The following AK4 variants were observed in gnomAD, a reference collection of about 807,000 sequenced individuals.
AK4 encodes adenylate kinase 4, mitochondrial.
In AK4, 13 loss-of-function variants were observed where a neutral mutation model predicts 24.6. The ratio of observed to expected loss-of-function variants is 0.53; its 90% CI spans 0.34 to 0.84. AK4 has a LOEUF of 0.84. Among genes scored for constraint, AK4 ranks in the 40% least tolerant of loss-of-function variants. The pLI, the probability that AK4 is intolerant of heterozygous loss-of-function variation, is 0.01. For synonymous variants in AK4, 88 were observed against 107.0 expected (o/e 0.82, Z 1.10); for missense variants, 192 against 288.2 (o/e 0.67, Z 2.42).
intron 1 of AK4, among the ~76,000 whole-genome samples, chr1:65,188,363 C>T (rs1410135386): frequency 7.5e-6 from 1 of 132,734 alleles, no homozygotes; most frequent in Admixed American, 7.9e-5. Context: ...CTACTGCATT[C>T]CAGCCTGGGT....
rs5774743 is a variant in AK4, at chr1:65,177,939, TA to T, written c.146-12759del. On this transcript the variant is annotated intron_variant, in intron 1 of 4. Coordinates refer to ENST00000327299, the MANE Select transcript of AK4 (RefSeq NM_013410.4). ...AAGAATCAGACTATAAGATAGCATT[TA>T]AAAAAAAAAAACATTGCTGCACATG... Among the ~76,000 whole-genome samples the T allele has an allele frequency of 2.0e-3, 297 of 148,216 alleles. 2 individuals are homozygous for T. The highest frequency in any genetic ancestry group is 6.2e-3 in the Admixed American group (93 of 14,942).
intron 1 of AK4, among the ~76,000 whole-genome samples, chr1:65,162,014 G>A (rs1020794960): frequency 2.6e-5 from 4 of 152,200 alleles, no homozygotes; most frequent in Non-Finnish European, 2.9e-5. Context: ...TTGAGAGGCC[G>A]AGGCAGAAGG....
intron 2 of AK4, among the ~76,000 whole-genome samples, chr1:65,208,610 G>A (rs1010046136): frequency 6.6e-6 from 1 of 152,204 alleles, no homozygotes; most frequent in Non-Finnish European, 1.5e-5. Flanking sequence ...AATGGAGGTA[G>A]GAAGGGGGCT....
rs550422202 is a variant in AK4 at position 65,226,823 on chromosome 1, T to C, written c.*646T>C. On this transcript the variant is annotated 3_prime_UTR_variant, in exon 5 of 5. Transcript: ENST00000327299. ...AATTTGGCTTTTTTTTTTCTTTTTT[T>C]TTTTGGACATCTGTTTTCACTCTTA... The C allele has an allele frequency of 1.4e-5, 2 of 147,780 alleles. No individual in the cohort carries two copies. The highest frequency in any genetic ancestry group is 2.6e-5 in the African/African-American group (1 of 37,974). The allele number at this position is 147,780 out of a possible 1,614,324, so 9.2% of individuals were successfully genotyped here. A position where few individuals can be genotyped will look rare whatever the true frequency, so the allele number is the denominator to read the frequency against.
chr1:65,155,913 G>A (rs1649967500), intron 1 of AK4, among the ~76,000 whole-genome samples: 1 of 152,084 alleles, frequency 6.6e-6, no homozygotes, highest in African/African-American at 2.4e-5. Flanking sequence ...CAAGTGATCT[G>A]CCCGCCTTGG....
chr1:65,179,206 T>C (rs1410778138), intron 1 of AK4, among the ~76,000 whole-genome samples: 3 of 152,206 alleles, frequency 2.0e-5, no homozygotes, highest in Admixed American at 2.0e-4. Context: ...CAGGACCAGG[T>C]ATTTCCTTAC....
intron 1 of AK4, among the ~76,000 whole-genome samples, chr1:65,172,888 A>G (rs1413465066): frequency 3.1e-5 from 4 of 128,208 alleles, no homozygotes; most frequent in Non-Finnish European, 6.4e-5. Flanking sequence ...TTTGATACGA[A>G]CTCTCGCTCT....
Position 65,226,163 on chromosome 1 carries a change from A to G in AK4, c.658A>G (p.Lys220Glu). The change falls in exon 5 of 5, where the codon AAA becomes GAA. Residue 220 changes from lysine to glutamate, a missense_variant. Physicochemically the swap from Lys to Glu is moderately conservative, Grantham distance 56. Coordinates refer to ENST00000327299, the MANE Select transcript of AK4 (RefSeq NM_013410.4). ...FSNKITPIQS[K>E]EAY ...AAACAAGATCACACCTATTCAGTCC[A>G]AAGAAGCATATTGACCCTGCCCAAT... The G allele has an allele frequency of 1.2e-6, 2 of 1,608,346 alleles. No homozygotes were observed. Among genetic ancestry groups the G allele is most frequent in the Middle Eastern group, 2.3e-4 (1 of 4,420 alleles).
intron 2 of AK4, among the ~76,000 whole-genome samples, chr1:65,217,113 C>T (rs1042293793): frequency 6.6e-6 from 1 of 152,152 alleles, no homozygotes; most frequent in African/African-American, 2.4e-5. Flanking sequence ...GTGGATGGCT[C>T]ACAGGCAGTA....
intron 1 of AK4, among the ~76,000 whole-genome samples, chr1:65,158,242 C>G (rs1650041830): frequency 6.6e-6 from 1 of 152,144 alleles, no homozygotes; most frequent in African/African-American, 2.4e-5. Context: ...AATCCTAAAA[C>G]TAGTAAATTG....
chr1:65,224,680 C>T, intron 3 of AK4, 72 bp from the exon 4 acceptor site: 5 of 1,201,638 alleles, frequency 4.2e-6, no homozygotes, highest in African/African-American at 1.5e-5. Context: ...CATGGTTTTG[C>T]ACAGAAAAGT....
intron 1 of AK4, among the ~76,000 whole-genome samples, chr1:65,158,802 C>T (rs897962664): frequency 5.3e-5 from 8 of 152,014 alleles, no homozygotes; most frequent in African/African-American, 1.5e-4. Context: ...CCACTGCACC[C>T]GGCCCAAACT....
At chr1:65,182,548 A>G (rs1363415926) in intron 1 of AK4, among the ~76,000 whole-genome samples, 2 of 152,126 alleles carry the variant, frequency 1.3e-5, no homozygotes, top group African/African-American at 4.8e-5. Context: ...AAAAAAAAAA[A>G]GACCTCATTT....
intron 2 of AK4, among the ~76,000 whole-genome samples, chr1:65,208,981 A>G (rs556485105): frequency 3.6e-5 from 4 of 110,124 alleles, no homozygotes; most frequent in African/African-American, 1.9e-4. Context: ...TGCACTTAGT[A>G]AATATTTTGT....
intron 1 of AK4, among the ~76,000 whole-genome samples, chr1:65,180,996 A>G (rs995259090): frequency 2.0e-5 from 3 of 151,916 alleles, no homozygotes; most frequent in Non-Finnish European, 4.4e-5. Context: ...TCTGTAGAAC[A>G]ATGAAAAGAA....
At chr1:65,219,153 T>A (rs894998948) in intron 3 of AK4, among the ~76,000 whole-genome samples, 11 of 151,698 alleles carry the variant, frequency 7.3e-5, no homozygotes, top group Non-Finnish European at 1.5e-4. Flanking sequence ...AATATAAAAA[T>A]TTTTAATTTT....
chr1:65,148,305 G>T lies in AK4; in HGVS notation c.-103G>T. ...GCGGCCGGCGAGTCCCAGTGAGAGC[G>T]GAGGGTGCCAGAGGTAGGGGGCCGA... On this transcript the variant is annotated 5_prime_UTR_variant, in exon 1 of 5. Transcript: ENST00000327299. The T allele has an allele frequency of 7.0e-7, 1 of 1,437,284 alleles. No homozygotes were observed. Among genetic ancestry groups the T allele is most frequent in the South Asian group, 1.5e-5 (1 of 68,884 alleles). The allele number at this position is 1,437,284 out of a possible 1,614,324, so 89.0% of individuals were successfully genotyped here. A position where few individuals can be genotyped will look rare whatever the true frequency, so the allele number is the denominator to read the frequency against.
chr1:65,163,621 C>A (rs1270517856), intron 1 of AK4, among the ~76,000 whole-genome samples: 1 of 152,226 alleles, frequency 6.6e-6, no homozygotes, highest in African/African-American at 2.4e-5. Context: ...AGTTTGTCCA[C>A]AAGTGTAACC....
At chr1:65,214,784 A>C (rs1652073795) in intron 2 of AK4, among the ~76,000 whole-genome samples, 1 of 152,170 alleles carries the variant, frequency 6.6e-6, no homozygotes, top group African/African-American at 2.4e-5. Context: ...GCACAAGTAC[A>C]TGAGAGCCTC....
Sources: gnomAD v4.1 joint callset for allele counts (sites outside exome capture counted in the v4.1 genomes callset) on GRCh38, gnomAD v4.1.1 for gene constraint, MANE v1.5 for transcripts, NCBI Gene and HGNC (gene_info 2026-07-23, HGNC 2026-07-21) for gene names.